RNF103: variants seen among roughly 807,000 people sequenced by gnomAD.
RNF103 encodes the protein E3 ubiquitin-protein ligase RNF103.
A neutral mutation model predicts 66.2 loss-of-function variants in RNF103; 23 were observed. The observed-to-expected ratio is 0.35, with a 90% CI of 0.25 to 0.49. The LOEUF is 0.49. RNF103 is among the 20% of genes least tolerant of loss of function. The probability of loss-of-function intolerance (pLI) is 0.98; values close to 1 mark genes in which losing one functional copy is unlikely to be tolerated. For missense variants in RNF103, 730 were observed against 814.7 expected (o/e 0.90, Z 1.27); for synonymous variants, 297 against 289.9 (o/e 1.02, Z -0.25).
At chr2:86,620,849 A>T (rs1025797309) in intron 1 of RNF103, among the ~76,000 whole-genome samples, 5 of 152,208 alleles carry the variant, frequency 3.3e-5, no homozygotes, top group Non-Finnish European at 7.4e-5. Context: ...ATACATTTTT[A>T]AACAGTATGG....
Position 86,620,350 on chromosome 2 carries a change from C to T in RNF103, c.346G>A (p.Asp116Asn), listed in dbSNP as rs762858939. 1.2e-6 allele frequency: 2 copies of T among 1,605,138 alleles called. No homozygotes were observed. Among genetic ancestry groups the T allele is most frequent in the Non-Finnish European group, 1.7e-6 (2 of 1,173,672 alleles). ...CATACCTGAACCAGCCAGATGCCAT[C>T]TTTTGTGTCTTCCACAAGCTCATAG... is the stretch of plus-strand genomic sequence containing the variant. ...HFYELVEDTK[D>N]GIWLVQVIAN... The change falls in exon 2 of 4, where the codon GAT (aspartate) becomes AAT (asparagine). Residue 116 changes from aspartate to asparagine, a missense_variant. Physicochemically the swap from Asp to Asn is conservative, Grantham distance 23 (BLOSUM62 1). Around this residue, in one of 3 missense-constraint regions of RNF103, gnomAD observed 327 missense variants for 369.8 expected, o/e 0.88. Coordinates refer to ENST00000237455, the MANE Select transcript of RNF103 (RefSeq NM_005667.4).
intron 2 of RNF103, 47 bp downstream of exon 2, chr2:86,620,283 A>T (rs1558688932): frequency 1.3e-6 from 2 of 1,530,282 alleles, no homozygotes; most frequent in Non-Finnish European, 1.8e-6. Context: ...GGTAAAAATA[A>T]TTTTTTTAGG....
chr2:86,623,535 C>G lies in RNF103; in HGVS notation c.-649G>C. 2.0e-6 allele frequency: 2 copies of G among 984,740 alleles called. No individual in the cohort carries two copies. The highest frequency in any genetic ancestry group is 4.6e-5 in the South Asian group (1 of 21,680). The allele number at this position is 984,740 out of a possible 1,614,324, so 61.0% of individuals were successfully genotyped here. ...GACCGCCCAGGCTCCGCGAGAAGAGCGGCGGGCACGGCGGCGGCTCCAGGT... is the reference window on the plus strand; with the variant it reads ...GACCGCCCAGGCTCCGCGAGAAGAGGGGCGGGCACGGCGGCGGCTCCAGGT... On this transcript the variant is annotated 5_prime_UTR_variant, in exon 1 of 4. Coordinates refer to ENST00000237455, the MANE Select transcript of RNF103 (RefSeq NM_005667.4).
Position 86,603,653 on chromosome 2 carries a change from A to T in RNF103, c.*190T>A. 2.9e-6 allele frequency: 2 copies of T among 695,534 alleles called. No individual in the cohort carries two copies. Among genetic ancestry groups the T allele is most frequent in the South Asian group, 2.9e-5 (1 of 34,122 alleles). The allele number at this position is 695,534 out of a possible 1,614,324, so 43.1% of individuals were successfully genotyped here. A position where few individuals can be genotyped will look rare whatever the true frequency, so the allele number is the denominator to read the frequency against. ...CCAATGTTGTAAATAAAAAAATTTTACAATTAGGTATGCATTCAATTAACA... is the reference window on the plus strand; with the variant it reads ...CCAATGTTGTAAATAAAAAAATTTTTCAATTAGGTATGCATTCAATTAACA... On this transcript the variant is annotated 3_prime_UTR_variant, in exon 4 of 4. Transcript: ENST00000237455.
In RNF103 at chr2:86,612,148, A is replaced by G; in HGVS notation, c.482+11T>C. ...AGGACTCAAATTCTAAGAATTGCCT[A>G]ATCAACTTACCTGGGATCACTGGAA... On this transcript the variant is annotated intron_variant, in intron 3 of 3. Transcript: ENST00000237455. 6.3e-7 allele frequency: 1 copy of G among 1,575,852 alleles called. No individual in the cohort carries two copies. The highest frequency in any genetic ancestry group is 1.1e-5 in the South Asian group (1 of 87,358).
Position 86,604,556 on chromosome 2 carries a change from C to T in RNF103, c.1345G>A (p.Ala449Thr), listed in dbSNP as rs372482310. 5 of 1,614,076 alleles carry T rather than the reference C, an allele frequency of 3.1e-6. No homozygotes were observed. In the African/African-American group the frequency reaches 6.7e-5, roughly 22 times the overall value. The change falls in exon 4 of 4, where the codon GCC (alanine) becomes ACC (threonine). Residue 449 changes from alanine (A) to threonine (T), a missense_variant. Ala to Thr is a moderately conservative substitution (Grantham distance 58). This residue lies in a region of RNF103 where 355 missense variants were observed against 351.9 expected (regional missense o/e 1.01). Transcript: ENST00000237455. The stretch of plus-strand genomic sequence containing the variant: ...CTTGATAACCATTCTAAGTTATTGG[C>T]ATTGACTTCATCATTGTTGTTGTTG... ...RRNNNNDEVN[A>T]NNLEWLSSLW...
At chr2:86,606,170 G>A (rs1427993321) in intron 3 of RNF103, among the ~76,000 whole-genome samples, 1 of 151,262 alleles carries the variant, frequency 6.6e-6, no homozygotes, top group African/African-American at 2.4e-5. Flanking sequence ...AGATTAAGAG[G>A]TTCACTTCAA....
rs1287665262 is a variant in RNF103 at position 86,603,817 on chromosome 2, G to T, written c.*26C>A. The T allele has an allele frequency of 6.3e-7, 1 of 1,580,108 alleles. No homozygotes were observed. Among genetic ancestry groups the T allele is most frequent in the Non-Finnish European group, 8.6e-7 (1 of 1,165,700 alleles). On this transcript the variant is annotated 3_prime_UTR_variant, in exon 4 of 4. Coordinates refer to ENST00000237455, the MANE Select transcript of RNF103 (RefSeq NM_005667.4). ...AAAGGCAAGCTGTAAGATACTCAAAGCTTATAAAGGACAAATTGCACATGG... is the reference window on the plus strand; with the variant it reads ...AAAGGCAAGCTGTAAGATACTCAAATCTTATAAAGGACAAATTGCACATGG...
chr2:86,604,378 T>C lies in RNF103; in HGVS notation c.1523A>G (p.Tyr508Cys). The C allele has an allele frequency of 6.2e-7, 1 of 1,614,242 alleles. No individual in the cohort carries two copies. The highest frequency in any genetic ancestry group is 8.5e-7 in the Non-Finnish European group (1 of 1,180,042). The change falls in exon 4 of 4, where the codon TAT becomes TGT. Residue 508 changes from tyrosine to cysteine, a missense_variant. This residue lies in a region of RNF103 where 355 missense variants were observed against 351.9 expected (regional missense o/e 1.01). Transcript: ENST00000237455. Reference sequence around the variant, plus strand: ...TCGCCACATTGGTAAGTTTTTAATATAATCAGTTGGTATCAGAGGGTGAAG... The same window carrying C: ...TCGCCACATTGGTAAGTTTTTAATACAATCAGTTGGTATCAGAGGGTGAAG... Reference protein sequence around the residue: ...LWLHPLIPTDYIKNLPMWRFK... With the variant: ...LWLHPLIPTDCIKNLPMWRFK...
intron 3 of RNF103, among the ~76,000 whole-genome samples, chr2:86,606,641 C>T (rs1351055285): frequency 2.8e-4 from 34 of 119,764 alleles, no homozygotes; most frequent in Non-Finnish European, 4.0e-4. Flanking sequence ...CCAGCCTGGG[C>T]GACAGAGCAA....
intron 1 of RNF103, 70 bp downstream of exon 1, chr2:86,622,591 C>G: frequency 6.7e-7 from 1 of 1,483,840 alleles, no homozygotes. Flanking sequence ...GGGGAACAGC[C>G]AGGTACCAGG....
chr2:86,610,384 T>C (rs895810942), intron 3 of RNF103, among the ~76,000 whole-genome samples: 5 of 152,222 alleles, frequency 3.3e-5, no homozygotes, highest in Non-Finnish European at 2.9e-5. Context: ...AAAGAAGAGC[T>C]AAATAAATTT....
chr2:86,623,760 C>T lies in RNF103; in HGVS notation c.-874G>A. On this transcript the variant is annotated 5_prime_UTR_variant, in exon 1 of 4. Transcript: ENST00000237455. ...GCCCGTCCCGCTCGGATGGGCAGTG[C>T]CGGTCGCAGCACCCGTCCCCAACAC... 2 of 1,282,028 alleles carry T rather than the reference C, an allele frequency of 1.6e-6. No homozygotes were observed. Among genetic ancestry groups the T allele is most frequent in the South Asian group, 1.2e-5 (1 of 80,384 alleles). The allele number at this position is 1,282,028 out of a possible 1,614,324, so 79.4% of individuals were successfully genotyped here. A position where few individuals can be genotyped will look rare whatever the true frequency, so the allele number is the denominator to read the frequency against.
chr2:86,620,875 C>T (rs1679205438), intron 1 of RNF103, among the ~76,000 whole-genome samples: 1 of 152,134 alleles, frequency 6.6e-6, no homozygotes, highest in African/African-American at 2.4e-5. Context: ...ATGCTTCTTA[C>T]TTAAAAGATG....
chr2:86,603,891 CT>C lies in RNF103; in HGVS notation c.2009del (p.Lys670SerfsTer27), dbSNP rs751538770. The C allele has an allele frequency of 3.7e-6, 6 of 1,613,300 alleles. No homozygotes were observed. Among genetic ancestry groups the C allele is most frequent in the Non-Finnish European group, 5.1e-6 (6 of 1,179,860 alleles). ...AGGGCTGGTGTTGTGCATATGGCTG[CT>C]TTTTTTTATAAGAAGGCCACCGGCA... ...PVCRWPSYKKKQPYAQHQPLS... is the reference protein window; with the variant it reads ...PVCRWPSYKKXQPYAQHQPLS... On this transcript the variant is annotated frameshift_variant, in exon 4 of 4. Coordinates refer to ENST00000237455, the MANE Select transcript of RNF103 (RefSeq NM_005667.4). LOFTEE classifies it high-confidence loss of function.
intron 3 of RNF103, among the ~76,000 whole-genome samples, chr2:86,611,780 G>C (rs1186638483): frequency 6.6e-6 from 1 of 152,182 alleles, no homozygotes; most frequent in Non-Finnish European, 1.5e-5. Flanking sequence ...CTAGAGGTCA[G>C]AATGATAGAA....
Position 86,604,371 on chromosome 2 carries a change from T to C in RNF103, c.1530A>G (p.Lys510=). 1.2e-6 allele frequency: 2 copies of C among 1,614,228 alleles called. No individual in the cohort carries two copies. The highest frequency in any genetic ancestry group is 1.7e-6 in the Non-Finnish European group (2 of 1,180,044). The change falls in exon 4 of 4, where the codon AAA becomes AAG. Residue 510 remains lysine, a synonymous_variant. Transcript: ENST00000237455. ...LHPLIPTDYI[K]NLPMWRFKCL... is the part of the protein sequence containing the mutation. ...ATTTAAATCGCCACATTGGTAAGTT[T>C]TTAATATAATCAGTTGGTATCAGAG...
rs760589907 is a variant in RNF103, at chr2:86,604,786, A to G, written c.1115T>C (p.Leu372Pro). The G allele has an allele frequency of 6.2e-7, 1 of 1,614,150 alleles. No individual in the cohort carries two copies. Among genetic ancestry groups the G allele is most frequent in the Admixed American group, 1.7e-5 (1 of 60,032 alleles). ...TAGCTGTAAAAAGCCCAACACAGGTAGCCAGGAAATAATTAATAGAGAATT... is the reference window on the plus strand; with the variant it reads ...TAGCTGTAAAAAGCCCAACACAGGTGGCCAGGAAATAATTAATAGAGAATT... ...TYNSLLIISW[L>P]PVLGFLQLPY... is the part of the protein sequence containing the mutation. Residue 372 changes from leucine to proline, a missense_variant, in exon 4 of 4, where the codon CTA becomes CCA. Physicochemically the swap from Leu to Pro is moderately conservative, Grantham distance 98. This residue lies in a region of RNF103 where 48 missense variants were observed against 93.0 expected (regional missense o/e 0.52). Coordinates refer to ENST00000237455, the MANE Select transcript of RNF103 (RefSeq NM_005667.4).
At position 86,614,859 on chromosome 2, in the gene RNF103, T is replaced by A. The variant is rs1009698784; in HGVS notation, c.367-2585A>T. On this transcript the variant is annotated intron_variant, in intron 2 of 3. Coordinates refer to ENST00000237455, the MANE Select transcript of RNF103 (RefSeq NM_005667.4). ...GCCCTCTTTTAAAAATAACTCACTT[T>A]TCAGGCATTATCCCATTTCTTGATC... 5.1e-6 allele frequency: 5 copies of A among 985,316 alleles called. No individual in the cohort carries two copies. In the African/African-American group the frequency reaches 8.7e-5, roughly 17 times the overall value. 61.0% of individuals were successfully genotyped at this position (985,316 alleles called of 1,614,324 possible).
Sources: gnomAD v4.1 joint callset for allele counts (sites outside exome capture counted in the v4.1 genomes callset) on GRCh38, gnomAD v4.1.1 for gene constraint, gnomAD v4.1.1 regional missense constraint, MANE v1.5 for transcripts, NCBI Gene and HGNC (gene_info 2026-07-23, HGNC 2026-07-21) for gene names.